Variants in FANCM observed in about 807,000 individuals in gnomAD.
FANCM encodes FA complementation group M.
A neutral mutation model predicts 199.5 loss-of-function variants in FANCM; 140 were observed. The ratio of observed to expected loss-of-function variants is 0.70; its 90% CI spans 0.61 to 0.81. The LOEUF is 0.81. FANCM is among the 30% of genes least tolerant of loss of function. The pLI is 0.00. For missense variants in FANCM, 2,410 were observed against 2,421.4 expected (o/e 1.00, Z 0.10); for synonymous variants, 840 against 836.8 (o/e 1.00, Z -0.07).
intron 13 of FANCM, among the ~76,000 whole-genome samples, chr14:45,173,493 C>T (rs980556525): frequency 5.3e-5 from 8 of 152,086 alleles, no homozygotes; most frequent in Admixed American, 1.3e-4. Flanking sequence ...CTTTTGGATT[C>T]GGATTTATTG....
Position 45,159,140 on chromosome 14 carries a change from ATCT to A in FANCM, c.1445_1447del (p.Phe482del), listed in dbSNP as rs1163631547. The A allele has an allele frequency of 4.3e-6, 7 of 1,612,812 alleles. No individual in the cohort carries two copies. Among genetic ancestry groups the A allele is most frequent in the Non-Finnish European group, 5.1e-6 (6 of 1,179,078 alleles). On this transcript the variant is annotated inframe_deletion, in exon 9 of 23. Transcript: ENST00000267430. Reference sequence around the variant, plus strand: ...GAAACGTGATGAGACCCGAGTTATGATCTTCTCTTCATTTCGAGATAGTGTTCA... The same window carrying A: ...GAAACGTGATGAGACCCGAGTTATGATCTCTTCATTTCGAGATAGTGTTCA...
At chr14:45,153,485 A>T (rs1181803865) in intron 5 of FANCM, among the ~76,000 whole-genome samples, 1 of 152,222 alleles carries the variant, frequency 6.6e-6, no homozygotes, top group Non-Finnish European at 1.5e-5. Flanking sequence ...ATTCATGAGG[A>T]TAGGCCATAT....
intron 3 of FANCM, among the ~76,000 whole-genome samples, chr14:45,142,329 C>T (rs1192142297): frequency 7.0e-6 from 1 of 143,856 alleles, no homozygotes; most frequent in East Asian, 2.0e-4. Flanking sequence ...TTTTTTGAGA[C>T]GAAGTCTCGC....
chr14:45,197,022 T>G (rs1216553931), intron 21 of FANCM, among the ~76,000 whole-genome samples: 1 of 152,184 alleles, frequency 6.6e-6, no homozygotes, highest in Non-Finnish European at 1.5e-5. Flanking sequence ...TTTGAACACG[T>G]TAAGATCGAG....
intron 22 of FANCM, 77 bp from the exon 23 acceptor site, chr14:45,199,793 G>C: frequency 2.4e-6 from 3 of 1,249,756 alleles, no homozygotes; most frequent in Non-Finnish European, 2.3e-6. Context: ...TACTGTGTTT[G>C]GTGTTCTTTA....
Position 45,154,780 on chromosome 14 carries a change from A to G in FANCM, c.1267A>G (p.Thr423Ala). The change falls in exon 7 of 23, where the codon ACA (threonine) becomes GCA (alanine). Residue 423 changes from threonine (T) to alanine (A), a missense_variant. By Grantham distance (58) the Thr-to-Ala change is moderately conservative. Transcript: ENST00000267430. ...TCATCTAGAGTGTATGTTTGCACGT[A>G]CACGTAGTACTTCAGCAAATGGTAT... ...YNHLECMFAR[T>A]RSTSANGISA... The G allele has an allele frequency of 6.2e-7, 1 of 1,607,380 alleles. No homozygotes were observed. Among genetic ancestry groups the G allele is most frequent in the Non-Finnish European group, 8.5e-7 (1 of 1,175,346 alleles).
intron 3 of FANCM, among the ~76,000 whole-genome samples, chr14:45,146,045 C>G (rs1157407309): frequency 1.6e-5 from 2 of 126,250 alleles, no homozygotes; most frequent in Admixed American, 1.7e-4. Flanking sequence ...GGCCACAGAG[C>G]GAGACTCCGT....
rs1237374207 is a variant in FANCM, at chr14:45,175,829, T to C, written c.3075T>C (p.Cys1025=). The change falls in exon 14 of 23, where the codon TGT becomes TGC. Residue 1025 remains cysteine (C), a synonymous_variant. Coordinates refer to ENST00000267430, the MANE Select transcript of FANCM (RefSeq NM_020937.4). ...TTGAGAATTTGCTTTTCTTACCCTG[T>C]GCAGAGCATTTACGAAGTGATAAAT... ...TALENLLFLP[C]AEHLRSDKCT... The C allele has an allele frequency of 1.2e-6, 2 of 1,614,016 alleles. No homozygotes were observed. The highest frequency in any genetic ancestry group is 2.2e-5 in the South Asian group (2 of 91,084).
intron 12 of FANCM, among the ~76,000 whole-genome samples, 177 bp downstream of exon 12, chr14:45,170,923 G>A (rs1393471642): frequency 6.6e-6 from 1 of 152,122 alleles, no homozygotes; most frequent in Non-Finnish European, 1.5e-5. Context: ...AATCATTAAA[G>A]TCTAAGTTTA....
intron 18 of FANCM, 101 bp downstream of exon 18, chr14:45,185,474 T>A (rs969629688): frequency 1.5e-6 from 1 of 663,642 alleles, no homozygotes; most frequent in Non-Finnish European, 2.5e-6. Flanking sequence ...TTAAAGGTAA[T>A]TAAATGTGGT....
At chr14:45,167,276 T>C in intron 11 of FANCM, 113 bp downstream of exon 11, 2 of 716,646 alleles carry the variant, frequency 2.8e-6, no homozygotes, top group Non-Finnish European at 5.0e-6. Flanking sequence ...CTAATTAATA[T>C]ATTATAGGCA....
rs142763060 is a variant in FANCM, at chr14:45,173,161, G to A, written c.2267G>A (p.Arg756His). The change falls in exon 13 of 23, where the codon CGC becomes CAC. Residue 756 changes from arginine (R) to histidine (H), a missense_variant. By Grantham distance (29) the Arg-to-His change is conservative. Coordinates refer to ENST00000267430, the MANE Select transcript of FANCM (RefSeq NM_020937.4). ...THQVDHSDRC[R>H]HFIGLMQMIE... ...CAAGTTGATCACTCAGATCGATGCC[G>A]CCATTTTATAGGCCTTATGCAAATG... 3.5e-4 allele frequency: 572 copies of A among 1,613,548 alleles called. 1 individual carries two copies. The highest frequency in any genetic ancestry group is 3.3e-3 in the South Asian group (296 of 91,066).
intron 11 of FANCM, among the ~76,000 whole-genome samples, chr14:45,167,594 C>T (rs1322437809): frequency 1.3e-5 from 2 of 152,148 alleles, no homozygotes; most frequent in Admixed American, 1.3e-4. Flanking sequence ...AACTTGTCCT[C>T]ATGTAAGAGG....
chr14:45,174,939 A>C, intron 13 of FANCM, 132 bp from the exon 14 acceptor site: 2 of 591,862 alleles, frequency 3.4e-6, no homozygotes, highest in Admixed American at 3.2e-5. Context: ...ATAACTTTTA[A>C]GGTATAAAAG....
intron 5 of FANCM, among the ~76,000 whole-genome samples, chr14:45,151,912 T>TA (rs767251183): frequency 0.011 from 1,246 of 118,382 alleles, 20 homozygotes; most frequent in South Asian, 0.044. Context: ...AGACCTGTCT[T>TA]AAAAAAAAAA....
chr14:45,187,349 A>T (rs1450956085), intron 18 of FANCM, among the ~76,000 whole-genome samples: 2 of 151,746 alleles, frequency 1.3e-5, no homozygotes, highest in Non-Finnish European at 2.9e-5. Context: ...GGTTTTGCTT[A>T]ACTGAAAATT....
At chr14:45,164,628 A>G in intron 10 of FANCM, 63 bp downstream of exon 10, 2 of 1,243,926 alleles carry the variant, frequency 1.6e-6, no homozygotes, top group Non-Finnish European at 2.3e-6. Context: ...CCCAAAGGTG[A>G]ATATCAACAT....
chr14:45,175,288 T>G lies in FANCM; in HGVS notation c.2534T>G (p.Ile845Ser), dbSNP rs747274484. 1 of 1,586,626 alleles carries G rather than the reference T, an allele frequency of 6.3e-7. No individual in the cohort carries two copies. The highest frequency in any genetic ancestry group is 1.2e-5 in the South Asian group (1 of 85,176). Residue 845 changes from isoleucine to serine, a missense_variant, in exon 14 of 23, where the codon ATC becomes AGC. Ile to Ser is a moderately radical substitution (Grantham distance 142). Transcript: ENST00000267430. ...GCTGAAATTGTTAAACAAACTCATA[T>G]CAAACCTACTAAAATTGTTTCTTTA... ...ECAEIVKQTH[I>S]KPTKIVSLKK...
intron 3 of FANCM, among the ~76,000 whole-genome samples, chr14:45,146,796 G>C (rs1886421723): frequency 1.5e-5 from 2 of 129,778 alleles, no homozygotes. Flanking sequence ...TCGCGCCACT[G>C]CATTCCAGCC....
Sources: gnomAD v4.1 joint callset for allele counts (sites outside exome capture counted in the v4.1 genomes callset) on GRCh38, gnomAD v4.1.1 for gene constraint, MANE v1.5 for transcripts, NCBI Gene and HGNC (gene_info 2026-07-23, HGNC 2026-07-21) for gene names.